SQSTM1: variants seen among roughly 807,000 people sequenced by gnomAD.
SQSTM1 encodes the protein sequestosome 1.
In SQSTM1, 36 loss-of-function variants were observed where a neutral mutation model predicts 45.1. That is an observed-to-expected ratio of 0.80 (90% confidence interval 0.61 to 1.05). SQSTM1 has a LOEUF of 1.05. Ranked by LOEUF, SQSTM1 falls within the 50% of genes least tolerant of loss-of-function variation. The pLI is 0.00. For synonymous variants in SQSTM1, 290 were observed against 244.3 expected (o/e 1.19, Z -1.74); for missense variants, 617 against 607.1 (o/e 1.02, Z -0.17).
chr5:179,810,054 G>C (rs1303869313), intron 1 of SQSTM1, among the ~76,000 whole-genome samples: 1 of 152,142 alleles, frequency 6.6e-6, no homozygotes, highest in Non-Finnish European at 1.5e-5. Context: ...AGAGTGCTGG[G>C]ATTACAGGCG....
chr5:179,828,310 T>C (rs1758078553), intron 5 of SQSTM1, among the ~76,000 whole-genome samples: 1 of 151,992 alleles, frequency 6.6e-6, no homozygotes, highest in Non-Finnish European at 1.5e-5. Context: ...GGGTATTGAT[T>C]GTACTATTCT....
Position 179,837,155 on chromosome 5 carries a change from C to T in SQSTM1, c.*562C>T. 2 of 1,431,636 alleles carry T rather than the reference C, an allele frequency of 1.4e-6. No homozygotes were observed. The highest frequency in any genetic ancestry group is 1.2e-5 in the South Asian group (1 of 82,414). The allele number at this position is 1,431,636 out of a possible 1,614,324, so 88.7% of individuals were successfully genotyped here. ...GGTCTCTTCACCACTGTAGTTCTCTCATTTCCAAACCATCAGCTGCTTTTA... is the reference window on the plus strand; with the variant it reads ...GGTCTCTTCACCACTGTAGTTCTCTTATTTCCAAACCATCAGCTGCTTTTA... On this transcript the variant is annotated 3_prime_UTR_variant, in exon 8 of 8. Coordinates refer to ENST00000389805, the MANE Select transcript of SQSTM1 (RefSeq NM_003900.5).
At chr5:179,814,779 G>A (rs1757531060), upstream of SQSTM1, among the ~76,000 whole-genome samples, 1 of 152,152 alleles carries the variant, frequency 6.6e-6, no homozygotes, top group Non-Finnish European at 1.5e-5. Flanking sequence ...ATTCAAGCTG[G>A]GTGAGGTGGC....
chr5:179,823,988 C>A lies in SQSTM1; in HGVS notation c.432C>A (p.Val144=). The A allele has an allele frequency of 6.2e-7, 1 of 1,614,044 alleles. No individual in the cohort carries two copies. The change falls in exon 3 of 8, where the codon GTC becomes GTA. Residue 144 remains valine, a synonymous_variant. Transcript: ENST00000389805. ...TAGGAACCCGCTACAAGTGCAGCGT[C>A]TGCCCAGACTACGACTTGTGTAGCG... ...PVVGTRYKCS[V]CPDYDLCSVC...
chr5:179,831,987 A>G (rs1758248231), intron 5 of SQSTM1, among the ~76,000 whole-genome samples: 2 of 151,966 alleles, frequency 1.3e-5, no homozygotes, highest in Admixed American at 1.3e-4. Flanking sequence ...GTTTCACCAT[A>G]TTAGCCAGGG....
Position 179,833,071 on chromosome 5 carries a change from G to A in SQSTM1, c.794G>A (p.Arg265Lys). Residue 265 changes from arginine to lysine, a missense_variant, in exon 6 of 8, where the codon AGA becomes AAA. Coordinates refer to ENST00000389805, the MANE Select transcript of SQSTM1 (RefSeq NM_003900.5). The stretch of plus-strand genomic sequence containing the variant: ...ATCGATGTGGAGCACGGAGGGAAAA[G>A]AAGCCGCCTGACCCCCGTCTCTCCA... ...VDIDVEHGGK[R>K]SRLTPVSPES... The A allele has an allele frequency of 6.2e-7, 1 of 1,614,200 alleles. No homozygotes were observed. The highest frequency in any genetic ancestry group is 8.5e-7 in the Non-Finnish European group (1 of 1,180,038).
chr5:179,833,397 A>G, intron 6 of SQSTM1, 151 bp downstream of exon 6: 2 of 1,005,550 alleles, frequency 2.0e-6, no homozygotes, highest in South Asian at 2.8e-5. Flanking sequence ...CATTAAAGTC[A>G]CGCTGGGAAC....
chr5:179,833,111 AGAG>A lies in SQSTM1; in HGVS notation c.838_840del (p.Glu280del), dbSNP rs752009611. 111 of 1,614,240 alleles carry A rather than the reference AGAG, an allele frequency of 6.9e-5. No individual in the cohort carries two copies. Among genetic ancestry groups the A allele is most frequent in the African/African-American group, 6.7e-4 (50 of 75,060 alleles). ...CCGTCTCTCCAGAGAGTTCCAGCAC[AGAG>A]GAGAAGAGCAGCTCACAGCCAAGCA... On this transcript the variant is annotated inframe_deletion, in exon 6 of 8. Transcript: ENST00000389805.
In SQSTM1 at chr5:179,824,107, A is replaced by C; in HGVS notation, c.531+20A>C. Reference sequence around the variant, plus strand: ...TCTGAGGTGAGCAGGCCCTCTGTGCAGGCCTGGGGTGGGCTCAGGGTGGCA... The same window carrying C: ...TCTGAGGTGAGCAGGCCCTCTGTGCCGGCCTGGGGTGGGCTCAGGGTGGCA... On this transcript the variant is annotated intron_variant, in intron 3 of 7. Coordinates refer to ENST00000389805, the MANE Select transcript of SQSTM1 (RefSeq NM_003900.5). The C allele has an allele frequency of 6.2e-7, 1 of 1,613,690 alleles. No homozygotes were observed. The highest frequency in any genetic ancestry group is 8.5e-7 in the Non-Finnish European group (1 of 1,179,998).
chr5:179,834,932 C>T (rs548111610), intron 7 of SQSTM1, among the ~76,000 whole-genome samples: 326 of 152,278 alleles, frequency 2.1e-3, no homozygotes, highest in Middle Eastern at 6.8e-3. Context: ...ACCTCCCAGA[C>T]GGGGTGGTGG....
intron 7 of SQSTM1, among the ~76,000 whole-genome samples, chr5:179,834,839 A>G (rs916028280): frequency 1.2e-4 from 18 of 152,290 alleles, no homozygotes; most frequent in African/African-American, 2.2e-4. Flanking sequence ...CGATTTCTCA[A>G]TCTTTTCCCC....
Position 179,833,596 on chromosome 5 carries a change from G to A in SQSTM1, c.979G>A (p.Glu327Lys), listed in dbSNP as rs1358261412. Residue 327 changes from glutamate (E) to lysine (K), a missense_variant, in exon 7 of 8, where the codon GAG becomes AAG. Coordinates refer to ENST00000389805, the MANE Select transcript of SQSTM1 (RefSeq NM_003900.5). ...ESEGRPEEQM[E>K]SDNCSGGDDD... is the part of the protein sequence containing the mutation. ...GTGAGTTTTGTTCCAGGAACAGATG[G>A]AGTCGGATAACTGTTCAGGAGGAGA... is the stretch of plus-strand genomic sequence containing the variant. The A allele has an allele frequency of 2.5e-6, 4 of 1,614,184 alleles. No homozygotes were observed. The highest frequency in any genetic ancestry group is 3.4e-6 in the Non-Finnish European group (4 of 1,180,032).
At position 179,824,190 on chromosome 5, in the gene SQSTM1, G is replaced by A. The variant is rs370203737; in HGVS notation, c.540G>A (p.Ser180=). 31 of 1,613,656 alleles carry A rather than the reference G, an allele frequency of 1.9e-5. No individual in the cohort carries two copies. The highest frequency in any genetic ancestry group is 1.6e-4 in the Middle Eastern group (1 of 6,082). ...SPFGHLSEGF[S]HSRWLRKVKH... ...GCTAATTCCTCCCCCAGGGCTTCTC[G>A]CACAGCCGCTGGCTCCGGAAGGTGA... is the stretch of plus-strand genomic sequence containing the variant. Residue 180 remains serine (S), a synonymous_variant, in exon 4 of 8, where the codon TCG becomes TCA. Coordinates refer to ENST00000389805, the MANE Select transcript of SQSTM1 (RefSeq NM_003900.5).
At chr5:179,834,099 C>G (rs1477183417) in intron 7 of SQSTM1, among the ~76,000 whole-genome samples, 1 of 146,082 alleles carries the variant, frequency 6.8e-6, no homozygotes, top group Non-Finnish European at 1.5e-5. Flanking sequence ...GGGGGCAGCA[C>G]TGGGTGTGTC....
intron 1 of SQSTM1, chr5:179,822,455 A>C: frequency 4.2e-6 from 1 of 236,946 alleles, no homozygotes; most frequent in East Asian, 1.0e-4. Context: ...ACAAATGGAG[A>C]CTACATACAA....
rs1385906096 is a variant in SQSTM1, at chr5:179,806,897, C to CGGGCCGGGCT, written c.-157+311_-157+320dup. ...CCTCGCCTCCGCGGCAGGGCCGGGC[C>CGGGCCGGGCT]GGGCCGGGCTGGGCTGGGCTGGGCG... On this transcript the variant is annotated intron_variant, in intron 1 of 5. Transcript: ENST00000514093. This position sits in a 1 kb window ranked among gnomAD's most constrained non-coding sequence, Gnocchi z 4.6. 1.3e-5 allele frequency: 2 copies of CGGGCCGGGCT among 150,802 alleles called. No individual in the cohort carries two copies. The highest frequency in any genetic ancestry group is 2.4e-5 in the African/African-American group (1 of 41,206). 9.3% of individuals were successfully genotyped at this position (150,802 alleles called of 1,614,324 possible). A position where few individuals can be genotyped will look rare whatever the true frequency, so the allele number is the denominator to read the frequency against.
At chr5:179,820,290 C>G (rs1351435155), upstream of SQSTM1, 1 of 152,588 alleles carries the variant, frequency 6.6e-6, no homozygotes, top group East Asian at 1.9e-4. Context: ...CTCAACTCCA[C>G]TCCTACTAAA....
chr5:179,816,690 C>T (rs1320473077), upstream of SQSTM1, among the ~76,000 whole-genome samples: 1 of 152,230 alleles, frequency 6.6e-6, no homozygotes, highest in Non-Finnish European at 1.5e-5. Context: ...TCCCCCCAGG[C>T]GCCACTGAGA....
intron 1 of SQSTM1, among the ~76,000 whole-genome samples, chr5:179,810,141 T>G (rs1757353162): frequency 6.6e-6 from 1 of 152,200 alleles, no homozygotes; most frequent in Non-Finnish European, 1.5e-5. Context: ...TATTTTACTT[T>G]AAGTTCTAGG....
Sources: gnomAD v4.1 joint callset for allele counts (sites outside exome capture counted in the v4.1 genomes callset) on GRCh38, gnomAD v4.1.1 for gene constraint, Gnocchi (gnomAD v3.1) non-coding constraint, MANE v1.5 for transcripts, NCBI Gene and HGNC (gene_info 2026-07-23, HGNC 2026-07-21) for gene names.